The following MYOZ2 variants were observed in gnomAD, a reference collection of about 807,000 sequenced individuals.
MYOZ2 encodes the protein myozenin 2.
MYOZ2 carries 19 observed loss-of-function variants against 25.4 expected under a neutral mutation model. That is an observed-to-expected ratio of 0.75 (90% CI 0.52 to 1.10). MYOZ2 has a LOEUF of 1.10. Ranked by LOEUF, MYOZ2 falls within the 50% of genes least tolerant of loss-of-function variation. The pLI, the probability that MYOZ2 is intolerant of heterozygous loss-of-function variation, is 0.00. For synonymous variants in MYOZ2, 92 were observed against 106.9 expected (o/e 0.86, Z 0.86); for missense variants, 270 against 317.9 (o/e 0.85, Z 1.15).
At chr4:119,142,607 T>A (rs1252051650) in intron 2 of MYOZ2, among the ~76,000 whole-genome samples, 1 of 152,228 alleles carries the variant, frequency 6.6e-6, no homozygotes, top group African/African-American at 2.4e-5. Context: ...GCCTTTTCCA[T>A]AGGCTATTTC....
At chr4:119,165,383 T>C (rs1041624252) in intron 5 of MYOZ2, among the ~76,000 whole-genome samples, 2 of 151,814 alleles carry the variant, frequency 1.3e-5, no homozygotes, top group African/African-American at 4.8e-5. Flanking sequence ...TGGTGGCATG[T>C]ACCTGTAGTC....
intron 2 of MYOZ2, among the ~76,000 whole-genome samples, chr4:119,144,199 A>G (rs1191777886): frequency 6.6e-6 from 1 of 152,162 alleles, no homozygotes; most frequent in Non-Finnish European, 1.5e-5. Flanking sequence ...CAAGAATGAT[A>G]TACAAATGGA....
chr4:119,143,327 C>G (rs1229501979), intron 2 of MYOZ2, among the ~76,000 whole-genome samples: 1 of 152,018 alleles, frequency 6.6e-6, no homozygotes, highest in Admixed American at 6.6e-5. Flanking sequence ...TCCCGAGTAG[C>G]TGGGATTACA....
intron 5 of MYOZ2, among the ~76,000 whole-genome samples, chr4:119,180,765 A>C (rs1162086288): frequency 6.6e-6 from 1 of 152,094 alleles, no homozygotes; most frequent in Non-Finnish European, 1.5e-5. Flanking sequence ...CATGTTGGCC[A>C]GGCTGGTTTC....
chr4:119,151,507 A>T lies in MYOZ2; in HGVS notation c.246+466A>T, dbSNP rs1450414091. ...TGCCCTCTCAAAGCATTTATTCCAC[A>T]TTGTGTAGGGAAGTCTGGTACTCAC... On this transcript the variant is annotated intron_variant, in intron 3 of 5. Coordinates refer to ENST00000307128, the MANE Select transcript of MYOZ2 (RefSeq NM_016599.5). Among the ~76,000 whole-genome samples, 4 of 152,166 alleles carry T rather than the reference A, an allele frequency of 2.6e-5. No individual in the cohort carries two copies. In the East Asian group the frequency reaches 7.7e-4, roughly 29 times the overall value.
chr4:119,151,638 A>G (rs560525817), intron 3 of MYOZ2, among the ~76,000 whole-genome samples: 1 of 152,326 alleles, frequency 6.6e-6, no homozygotes, highest in South Asian at 2.1e-4. Flanking sequence ...TTGTATTAAT[A>G]TTACATTCAC....
chr4:119,185,982 G>A lies in MYOZ2; in HGVS notation c.577G>A (p.Gly193Arg). The A allele has an allele frequency of 1.9e-6, 3 of 1,613,060 alleles. No homozygotes were observed. Among genetic ancestry groups the A allele is most frequent in the Non-Finnish European group, 2.5e-6 (3 of 1,179,732 alleles). The change falls in exon 6 of 6, where the codon GGA (glycine) becomes AGA (arginine). Residue 193 changes from glycine (G) to arginine (R), a missense_variant. By Grantham distance (125) the Gly-to-Arg change is moderately radical. Coordinates refer to ENST00000307128, the MANE Select transcript of MYOZ2 (RefSeq NM_016599.5). ...TTCCCACAGGGTTGCCACACCATTTGGAGGTTTTGAAAAAGCATCAAGAAT... is the reference window on the plus strand; with the variant it reads ...TTCCCACAGGGTTGCCACACCATTTAGAGGTTTTGAAAAAGCATCAAGAAT... ...RSFNRVATPF[G>R]GFEKASRMVK...
intron 4 of MYOZ2, among the ~76,000 whole-genome samples, chr4:119,163,580 A>C (rs566434690): frequency 5.9e-5 from 9 of 152,356 alleles, no homozygotes; most frequent in African/African-American, 1.9e-4. Flanking sequence ...GTGAGATCAG[A>C]AGCAGAAAAG....
chr4:119,145,371 G>T (rs1427409187), intron 2 of MYOZ2, among the ~76,000 whole-genome samples: 1 of 128,864 alleles, frequency 7.8e-6, no homozygotes, highest in Non-Finnish European at 1.6e-5. Context: ...TTGAGATAGG[G>T]TCTCACTCTG....
chr4:119,178,930 T>G (rs557958587), intron 5 of MYOZ2, among the ~76,000 whole-genome samples: 12 of 152,278 alleles, frequency 7.9e-5, no homozygotes, highest in South Asian at 2.1e-4. Context: ...TCAAAATACA[T>G]TCACCCTAGT....
At chr4:119,154,562 T>C (rs1350477610) in intron 3 of MYOZ2, among the ~76,000 whole-genome samples, 3 of 152,136 alleles carry the variant, frequency 2.0e-5, no homozygotes, top group Non-Finnish European at 2.9e-5. Context: ...TTACAGAAGG[T>C]ATTACAATTC....
At chr4:119,144,665 T>C (rs1741246607) in intron 2 of MYOZ2, among the ~76,000 whole-genome samples, 1 of 152,230 alleles carries the variant, frequency 6.6e-6, no homozygotes, top group Non-Finnish European at 1.5e-5. Flanking sequence ...TGATATATCA[T>C]TGTGATTTTA....
intron 3 of MYOZ2, among the ~76,000 whole-genome samples, chr4:119,154,178 C>G (rs1333084593): frequency 6.6e-6 from 1 of 152,056 alleles, no homozygotes; most frequent in Non-Finnish European, 1.5e-5. Context: ...GTATGTGGCA[C>G]AAAGCATAGA....
chr4:119,137,139 CAA>C (rs1741048916), intron 2 of MYOZ2, among the ~76,000 whole-genome samples: 1 of 152,000 alleles, frequency 6.6e-6, no homozygotes, highest in African/African-American at 2.4e-5. Context: ...ATTTTGTGTG[CAA>C]AGTCTACTTT....
Position 119,164,392 on chromosome 4 carries a change from C to T in MYOZ2, c.558C>T (p.Asn186=). Residue 186 remains asparagine (N), a splice_region_variant and synonymous_variant, in exon 5 of 6, where the codon AAC becomes AAT. Transcript: ENST00000307128. The part of the protein sequence containing the change: ...KAELPDYRSF[N]RVATPFGGFE... ...AACTGCCTGATTACAGGAGCTTTAA[C>T]AGGTAATTCAATGGTCCTGGGTGAC... The T allele has an allele frequency of 6.2e-7, 1 of 1,613,982 alleles. No homozygotes were observed. Among genetic ancestry groups the T allele is most frequent in the Non-Finnish European group, 8.5e-7 (1 of 1,179,908 alleles).
In MYOZ2 at chr4:119,186,804, A is replaced by T. The variant is rs1170556725; in HGVS notation, c.*604A>T. The T allele has an allele frequency of 6.6e-6, 1 of 152,608 alleles. No homozygotes were observed. The highest frequency in any genetic ancestry group is 1.5e-5 in the Non-Finnish European group (1 of 68,390). The allele number at this position is 152,608 out of a possible 1,614,324, so 9.5% of individuals were successfully genotyped here. On this transcript the variant is annotated 3_prime_UTR_variant, in exon 6 of 6. Coordinates refer to ENST00000307128, the MANE Select transcript of MYOZ2 (RefSeq NM_016599.5). ...TCTGGATGATATTCTCCAAAATTCA[A>T]TTCAGTTATTATATTCATTTAGCAT...
intron 5 of MYOZ2, among the ~76,000 whole-genome samples, chr4:119,183,864 G>C (rs1329506470): frequency 6.7e-6 from 1 of 150,272 alleles, no homozygotes; most frequent in African/African-American, 2.5e-5. Context: ...GTCCAGGCTG[G>C]AGTACAATGG....
intron 3 of MYOZ2, 78 bp downstream of exon 3, chr4:119,151,119 G>A: frequency 7.0e-7 from 1 of 1,428,018 alleles, no homozygotes; most frequent in South Asian, 1.2e-5. Flanking sequence ...AGTTTCTGAA[G>A]GAAGTATTCT....
At chr4:119,177,940 C>T (rs1045605672) in intron 5 of MYOZ2, among the ~76,000 whole-genome samples, 2 of 152,124 alleles carry the variant, frequency 1.3e-5, no homozygotes, top group African/African-American at 2.4e-5. Flanking sequence ...TTTTTCTTGA[C>T]AGTAAAAAGT....
Sources: gnomAD v4.1 joint callset for allele counts (sites outside exome capture counted in the v4.1 genomes callset) on GRCh38, gnomAD v4.1.1 for gene constraint, MANE v1.5 for transcripts, NCBI Gene and HGNC (gene_info 2026-07-23, HGNC 2026-07-21) for gene names.